The following MUC5B variants were observed in gnomAD, a reference collection of about 807,000 sequenced individuals.
MUC5B encodes mucin-5B.
MUC5B carries 116 observed loss-of-function variants against 376.9 expected under a neutral mutation model. That is an observed-to-expected ratio of 0.31 (90% CI 0.26 to 0.36). The LOEUF is 0.36. Among genes scored for constraint, MUC5B ranks in the 10% least tolerant of loss-of-function variants. MUC5B has a pLI of 1.00. For missense variants in MUC5B, 7,165 were observed against 7,769.9 expected (o/e 0.92, Z 2.93); for synonymous variants, 3,517 against 3,390.9 (o/e 1.04, Z -1.29).
In MUC5B at chr11:1,234,158, C is replaced by T. The variant is rs1440833839; in HGVS notation, c.2378-47C>T. ...GGGCTGCCTGGGGTCAGTTGAGGGCCGTGGCTGCCCTTCCCCAGGACCCCT... is the reference window on the plus strand; with the variant it reads ...GGGCTGCCTGGGGTCAGTTGAGGGCTGTGGCTGCCCTTCCCCAGGACCCCT... On this transcript the variant is annotated intron_variant, in intron 19 of 48. Coordinates refer to ENST00000529681, the MANE Select transcript of MUC5B (RefSeq NM_002458.3). This position sits in a 1 kb window ranked among gnomAD's most constrained non-coding sequence, Gnocchi z 6.3. 1.1e-5 allele frequency: 16 copies of T among 1,467,118 alleles called. No individual in the cohort carries two copies. The highest frequency in any genetic ancestry group is 1.3e-5 in the Non-Finnish European group (14 of 1,069,690). 90.9% of individuals were successfully genotyped at this position (1,467,118 alleles called of 1,614,324 possible).
intron 31 of MUC5B, among the ~76,000 whole-genome samples, chr11:1,252,032 C>A (rs1428906537): frequency 6.6e-6 from 1 of 152,022 alleles, no homozygotes; most frequent in African/African-American, 2.4e-5. Flanking sequence ...CACAATCCAT[C>A]CCCACTGGCC....
At position 1,259,815 on chromosome 11, in the gene MUC5B, C is replaced by T; in HGVS notation, c.16773C>T (p.Cys5591=). 1 of 1,612,436 alleles carries T rather than the reference C, an allele frequency of 6.2e-7. No individual in the cohort carries two copies. The highest frequency in any genetic ancestry group is 8.5e-7 in the Non-Finnish European group (1 of 1,179,694). The change falls in exon 45 of 49, where the codon TGC becomes TGT. Residue 5591 remains cysteine, a synonymous_variant. Coordinates refer to ENST00000529681, the MANE Select transcript of MUC5B (RefSeq NM_002458.3). ...QCCGECVQTA[C]LTPDGQPVQL... The stretch of plus-strand genomic sequence containing the variant: ...GTGGGGAGTGCGTCCAGACCGCCTG[C>T]CTCACGCCCGATGGCCAGCCAGTCC...
chr11:1,262,120 C>T lies in MUC5B; in HGVS notation c.*512C>T. ...TCAGAGAGGGGTCAGCATCCCAAAG[C>T]CCCCTCTGCTCAACCCAGCCCAGTT... On this transcript the variant is annotated 3_prime_UTR_variant, in exon 49 of 49. Coordinates refer to ENST00000529681, the MANE Select transcript of MUC5B (RefSeq NM_002458.3). 1 of 517,718 alleles carries T rather than the reference C, an allele frequency of 1.9e-6. No individual in the cohort carries two copies. Among genetic ancestry groups the T allele is most frequent in the South Asian group, 1.4e-5 (1 of 70,424 alleles). The allele number at this position is 517,718 out of a possible 1,614,324, so 32.1% of individuals were successfully genotyped here.
chr11:1,232,860 T>C (rs1464342702), intron 17 of MUC5B, 90 bp downstream of exon 17: 4 of 1,484,444 alleles, frequency 2.7e-6, no homozygotes, highest in Non-Finnish European at 3.6e-6. Context: ...CACACGGTTC[T>C]CAGCCCAGAG....
At chr11:1,229,116 A>T (rs1284737513) in intron 8 of MUC5B, 54 bp from the exon 9 acceptor site, 2 of 1,486,198 alleles carry the variant, frequency 1.3e-6, no homozygotes, top group Non-Finnish European at 1.8e-6. Flanking sequence ...GGGGCTGACC[A>T]CACGGGCAGT....
Position 1,258,410 on chromosome 11 carries a change from C to A in MUC5B, c.16593+43C>A. The A allele has an allele frequency of 6.2e-7, 1 of 1,606,444 alleles. No individual in the cohort carries two copies. Among genetic ancestry groups the A allele is most frequent in the South Asian group, 1.1e-5 (1 of 90,182 alleles). ...GGTGGGTGTGGCCCTGGGGCCTGAA[C>A]ATGTGTGTGGGATGCCCCGGGGCTC... On this transcript the variant is annotated intron_variant, in intron 43 of 48. Coordinates refer to ENST00000529681, the MANE Select transcript of MUC5B (RefSeq NM_002458.3). This position sits in a 1 kb window ranked among gnomAD's most constrained non-coding sequence, Gnocchi z 5.5.
Position 1,237,105 on chromosome 11 carries a change from T to G in MUC5B, c.3238T>G (p.Trp1080Gly). 1.3e-6 allele frequency: 2 copies of G among 1,549,344 alleles called. No homozygotes were observed. Among genetic ancestry groups the G allele is most frequent in the Admixed American group, 1.9e-5 (1 of 52,294 alleles). ...CACGGCCAACCCCTTCCGCAAGTCC[T>G]GGGCCCAGAAGCAGTGCAGCATCCT... ...PCTANPFRKS[W>G]AQKQCSILHG... The change falls in exon 25 of 49, where the codon TGG (tryptophan) becomes GGG (glycine). Residue 1080 changes from tryptophan to glycine, a missense_variant. Coordinates refer to ENST00000529681, the MANE Select transcript of MUC5B (RefSeq NM_002458.3).
Position 1,244,734 on chromosome 11 carries a change from C to T in MUC5B, c.7854C>T (p.Ala2618=), listed in dbSNP as rs1410848735. 5.0e-6 allele frequency: 8 copies of T among 1,613,138 alleles called. No homozygotes were observed. The highest frequency in any genetic ancestry group is 1.7e-5 in the Admixed American group (1 of 59,860). ...VLTTTTTGFT[A]TPSSSPGTAR... ...CTACCACAACCACGGGCTTCACAGCCACCCCCTCCTCCAGCCCAGGGACGG... is the reference window on the plus strand; with the variant it reads ...CTACCACAACCACGGGCTTCACAGCTACCCCCTCCTCCAGCCCAGGGACGG... The change falls in exon 31 of 49, where the codon GCC becomes GCT. Residue 2618 remains alanine, a synonymous_variant. Coordinates refer to ENST00000529681, the MANE Select transcript of MUC5B (RefSeq NM_002458.3).
chr11:1,228,107 AG>A (rs2133806644), intron 7 of MUC5B, among the ~76,000 whole-genome samples: 1 of 152,334 alleles, frequency 6.6e-6, no homozygotes, highest in East Asian at 1.9e-4. Context: ...TGGAGGCTCC[AG>A]GATCCCCAAA....
intron 9 of MUC5B, 65 bp downstream of exon 9, chr11:1,229,360 A>G: frequency 1.4e-6 from 2 of 1,454,392 alleles, no homozygotes; most frequent in Non-Finnish European, 1.8e-6. Flanking sequence ...CCCCGCCCCC[A>G]GCCTCATCAG....
Position 1,230,017 on chromosome 11 carries a change from G to A in MUC5B, c.1233G>A (p.Gly411=), listed in dbSNP as rs1219105971. The change falls in exon 11 of 49, where the codon GGG becomes GGA. Residue 411 remains glycine (G), a synonymous_variant. Coordinates refer to ENST00000529681, the MANE Select transcript of MUC5B (RefSeq NM_002458.3). ...NTTCSSCTCS[G]GLWQCQDLPC... ...CCTCCCTCCCCAGCACCTGCTCCGG[G>A]GGGCTATGGCAGTGCCAGGACCTGC... 1 of 1,599,384 alleles carries A rather than the reference G, an allele frequency of 6.3e-7. No individual in the cohort carries two copies. The highest frequency in any genetic ancestry group is 2.2e-5 in the East Asian group (1 of 44,712).
At position 1,242,332 on chromosome 11, in the gene MUC5B, G is replaced by C; in HGVS notation, c.5452G>C (p.Gly1818Arg). 5 of 1,613,894 alleles carry C rather than the reference G, an allele frequency of 3.1e-6. No individual in the cohort carries two copies. The highest frequency in any genetic ancestry group is 4.2e-6 in the Non-Finnish European group (5 of 1,179,864). ...AACTTTTGAAAACATCAGGGCTGCTGGGGGCAAGATGTGCTGGGCACCAAA... is the reference window on the plus strand; with the variant it reads ...AACTTTTGAAAACATCAGGGCTGCTCGGGGCAAGATGTGCTGGGCACCAAA... ...METFENIRAA[G>R]GKMCWAPKSI... Residue 1818 changes from glycine to arginine, a missense_variant, in exon 31 of 49, where the codon GGG (glycine) becomes CGG (arginine). Around this residue, in one of 31 missense-constraint regions of MUC5B, gnomAD observed 897 missense variants for 779.6 expected, o/e 1.15. Transcript: ENST00000529681.
Position 1,254,697 on chromosome 11 carries a change from C to G in MUC5B, c.15481C>G (p.Leu5161Val), listed in dbSNP as rs767492818. 3.1e-6 allele frequency: 5 copies of G among 1,612,382 alleles called. No individual in the cohort carries two copies. The highest frequency in any genetic ancestry group is 4.2e-6 in the Non-Finnish European group (5 of 1,179,482). ...GGGTTCCCCTGGATTCCCCCAGATCCTGTTTGACCAAATTCCGGTGAGCAG... is the reference window on the plus strand; with the variant it reads ...GGGTTCCCCTGGATTCCCCCAGATCGTGTTTGACCAAATTCCGGTGAGCAG... Reference protein sequence around the residue: ...MVHGKEEGLILFDQIPVSSGF... With the variant: ...MVHGKEEGLIVFDQIPVSSGF... Residue 5161 changes from leucine to valine, a missense_variant, in exon 35 of 49, where the codon CTG becomes GTG. By Grantham distance (32) the Leu-to-Val change is conservative. Around this residue, in one of 31 missense-constraint regions of MUC5B, gnomAD observed 842 missense variants for 1,016.9 expected, o/e 0.83. Transcript: ENST00000529681.
Position 1,229,261 on chromosome 11 carries a change from G to C in MUC5B, c.1068G>C (p.Glu356Asp). The C allele has an allele frequency of 6.3e-7, 1 of 1,587,368 alleles. No individual in the cohort carries two copies. The highest frequency in any genetic ancestry group is 8.5e-7 in the Non-Finnish European group (1 of 1,170,594). The stretch of plus-strand genomic sequence containing the variant: ...ACCCCCAGCGCGCGCAGCTCTGCGA[G>C]GACCACTGTGTGGACGGCTGCTTCT... Reference protein sequence around the residue: ...CSNPQRAQLCEDHCVDGCFCP... With the variant: ...CSNPQRAQLCDDHCVDGCFCP... Residue 356 changes from glutamate to aspartate, a missense_variant, in exon 9 of 49, where the codon GAG becomes GAC. Glu to Asp is a conservative substitution (Grantham distance 45). This residue lies in a region of MUC5B where 640 missense variants were observed against 733.0 expected (regional missense o/e 0.87). Coordinates refer to ENST00000529681, the MANE Select transcript of MUC5B (RefSeq NM_002458.3).
At position 1,251,047 on chromosome 11, in the gene MUC5B, GC is replaced by G. The variant is rs1318096003; in HGVS notation, c.14169del (p.Thr4724LeufsTer15). ...ATTPAATSSK[A>X]TSSSSPRTAT... ...CACACCCGCAGCCACCAGCTCCAAA[GC>G]CACTTCCTCCTCCAGTCCAAGGACT... On this transcript the variant is annotated frameshift_variant, in exon 31 of 49. Transcript: ENST00000529681. LOFTEE classifies it high-confidence loss of function. 1 of 1,611,016 alleles carries G rather than the reference GC, an allele frequency of 6.2e-7. No individual in the cohort carries two copies. The highest frequency in any genetic ancestry group is 8.5e-7 in the Non-Finnish European group (1 of 1,178,192).
chr11:1,256,617 C>A, intron 38 of MUC5B, 54 bp from the exon 39 acceptor site: 1 of 1,417,336 alleles, frequency 7.1e-7, no homozygotes. Flanking sequence ...ACGTGGATGA[C>A]AGTGGAGGCC....
Position 1,241,262 on chromosome 11 carries a change from C to T in MUC5B, c.4382C>T (p.Thr1461Ile). 1 of 1,593,430 alleles carries T rather than the reference C, an allele frequency of 6.3e-7. No homozygotes were observed. The highest frequency in any genetic ancestry group is 8.5e-7 in the Non-Finnish European group (1 of 1,170,212). ...EPAVPTPTQT[T>I]ATEKTTLWVT... is the part of the protein sequence containing the mutation. The stretch of plus-strand genomic sequence containing the variant: ...GCTGTGCCTACCCCAACCCAGACCA[C>T]AGCAACCGAAAAGACCACCCTATGG... The change falls in exon 31 of 49, where the codon ACA becomes ATA. Residue 1461 changes from threonine to isoleucine, a missense_variant. Thr to Ile is a moderately conservative substitution (Grantham distance 89). Coordinates refer to ENST00000529681, the MANE Select transcript of MUC5B (RefSeq NM_002458.3).
At chr11:1,254,650 C>T (rs1339173746) in intron 34 of MUC5B, 44 bp from the exon 35 acceptor site, 1 of 1,584,958 alleles carries the variant, frequency 6.3e-7, no homozygotes, top group East Asian at 2.3e-5. Context: ...CCCGAGCCCA[C>T]CTGGCACTGC....
intron 8 of MUC5B, 86 bp from the exon 9 acceptor site, chr11:1,229,084 T>A (rs1861962206): frequency 1.4e-6 from 2 of 1,401,722 alleles, no homozygotes; most frequent in Non-Finnish European, 1.9e-6. Context: ...TGATGGCATG[T>A]GGAAGGCCGT....
Sources: allele counts gnomAD v4.1 joint callset (sites outside exome capture counted in the v4.1 genomes callset), GRCh38; gene constraint gnomAD v4.1.1; regional missense constraint gnomAD v4.1.1; non-coding constraint Gnocchi (gnomAD v3.1); transcripts MANE v1.5; gene names NCBI Gene and HGNC (gene_info 2026-07-23, HGNC 2026-07-21).